The following L3MBTL3 variants were observed in gnomAD, a reference collection of about 807,000 sequenced individuals.
L3MBTL3 encodes lethal(3)malignant brain tumor-like protein 3.
L3MBTL3 carries 27 observed loss-of-function variants against 102.3 expected under a neutral mutation model. The ratio of observed to expected loss-of-function variants is 0.26; its 90% CI spans 0.19 to 0.36. L3MBTL3 has a LOEUF of 0.36. Ranked by LOEUF, L3MBTL3 falls within the 10% of genes least tolerant of loss-of-function variation. The probability of loss-of-function intolerance (pLI) is 1.00; values close to 1 mark genes in which losing one functional copy is unlikely to be tolerated. For missense variants in L3MBTL3, 798 were observed against 955.3 expected, an observed-to-expected ratio of 0.84 and a Z score of 2.17; for synonymous variants, 340 against 320.9, an observed-to-expected ratio of 1.06 and a Z score of -0.64.
At chr6:130,058,149 CAAA>C (rs61250078) in intron 9 of L3MBTL3, among the ~76,000 whole-genome samples, 1 of 89,152 alleles carries the variant, frequency 1.1e-5, no homozygotes, top group Non-Finnish European at 2.1e-5. Context: ...GACTCCGTCT[CAAA>C]AAAAAAAAAA....
intron 15 of L3MBTL3, 109 bp downstream of exon 15, chr6:130,083,814 T>G (rs1036098410): frequency 1.8e-4 from 87 of 496,260 alleles, no homozygotes; most frequent in Middle Eastern, 4.1e-4. Flanking sequence ...GAGAAAAAAA[T>G]AGAGCACCAA....
chr6:130,068,323 A>T lies in L3MBTL3; in HGVS notation c.1001-7A>T, dbSNP rs377187818. 4.7e-6 allele frequency: 7 copies of T among 1,498,376 alleles called. No homozygotes were observed. Among genetic ancestry groups the T allele is most frequent in the South Asian group, 1.1e-5 (1 of 88,576 alleles). 92.8% of individuals were successfully genotyped at this position (1,498,376 alleles called of 1,614,324 possible). On this transcript the variant is annotated splice_region_variant and splice_polypyrimidine_tract_variant and intron_variant, in intron 11 of 22. Coordinates refer to ENST00000361794, the MANE Select transcript of L3MBTL3 (RefSeq NM_032438.4). ...TGAATCAATCTGTTCATATGTGCTT[A>T]CTCTAGGGTATAAAGAAGAAGAATT...
chr6:130,038,385 A>C (rs539742445), intron 2 of L3MBTL3, among the ~76,000 whole-genome samples: 18 of 152,026 alleles, frequency 1.2e-4, no homozygotes, highest in African/African-American at 4.3e-4. Context: ...TATTCCCACC[A>C]AGAAGATACA....
chr6:130,128,204 G>A (rs560244205), intron 20 of L3MBTL3, among the ~76,000 whole-genome samples: 222 of 151,468 alleles, frequency 1.5e-3, no homozygotes, highest in African/African-American at 4.5e-3. Flanking sequence ...TTAGGGGGGT[G>A]TGTGTGTGTG....
At chr6:130,102,011 A>T (rs1216371543) in intron 18 of L3MBTL3, among the ~76,000 whole-genome samples, 1 of 152,102 alleles carries the variant, frequency 6.6e-6, no homozygotes, top group Non-Finnish European at 1.5e-5. Flanking sequence ...TGGGCAAGTA[A>T]CATCTCTGCT....
At position 130,052,878 on chromosome 6, in the gene L3MBTL3, G is replaced by A. The variant is rs981278625; in HGVS notation, c.469G>A (p.Asp157Asn). The A allele has an allele frequency of 6.2e-7, 1 of 1,613,690 alleles. No individual in the cohort carries two copies. ...CAACAGAGATCAGAAGGAAGAAAGGGACGTAGAAGAAGACAATGAGGAAGA... is the reference window on the plus strand; with the variant it reads ...CAACAGAGATCAGAAGGAAGAAAGGAACGTAGAAGAAGACAATGAGGAAGA... ...IKDKDQKEER[D>N]VEEDNEEEDP... The change falls in exon 7 of 23, where the codon GAC (aspartate) becomes AAC (asparagine). Residue 157 changes from aspartate (D) to asparagine (N), a missense_variant. Transcript: ENST00000361794.
chr6:130,141,011 G>A lies in L3MBTL3; in HGVS notation c.*1258G>A, dbSNP rs1462556838. On this transcript the variant is annotated 3_prime_UTR_variant, in exon 23 of 23. Transcript: ENST00000361794. ...ACCCTTGATTATAAATTGATAGCTG[G>A]TAGTGTTTCTTTTGCAAGAATGCAT... 6.6e-6 allele frequency: 1 copy of A among 152,634 alleles called. No homozygotes were observed. Among genetic ancestry groups the A allele is most frequent in the African/African-American group, 2.4e-5 (1 of 41,452 alleles). The allele number at this position is 152,634 out of a possible 1,614,324, so 9.5% of individuals were successfully genotyped here.
intron 2 of L3MBTL3, among the ~76,000 whole-genome samples, chr6:130,042,350 A>C (rs1780474488): frequency 6.6e-6 from 1 of 152,206 alleles, no homozygotes; most frequent in African/African-American, 2.4e-5. Flanking sequence ...AACTACTTAC[A>C]GGCAAGGAAT....
intron 16 of L3MBTL3, among the ~76,000 whole-genome samples, chr6:130,088,118 A>G (rs531165334): frequency 6.6e-6 from 1 of 152,292 alleles, no homozygotes; most frequent in South Asian, 2.1e-4. Context: ...TCTTACTTCT[A>G]GCTGGATTCT....
At chr6:130,138,915 A>G (rs1382220231) in intron 22 of L3MBTL3, among the ~76,000 whole-genome samples, 1 of 152,192 alleles carries the variant, frequency 6.6e-6, no homozygotes, top group African/African-American at 2.4e-5. Context: ...AGAGAATAGT[A>G]GCCTATTTTT....
chr6:130,029,149 G>A (rs6926186), intron 2 of L3MBTL3, among the ~76,000 whole-genome samples: 111,211 of 152,148 alleles, frequency 0.73, 40,881 homozygotes, highest in East Asian at 0.93. Context: ...TCAAGATACA[G>A]TGTCATAAGC....
chr6:130,023,617 A>G lies in L3MBTL3; in HGVS notation c.-16+1312A>G, dbSNP rs777949134. Reference sequence around the variant, plus strand: ...TACCTCCTTCAGCCTCCATTTCCTCATCTACAGAGCGGGAACAGCAATACT... The same window carrying G: ...TACCTCCTTCAGCCTCCATTTCCTCGTCTACAGAGCGGGAACAGCAATACT... On this transcript the variant is annotated intron_variant, in intron 2 of 22. Transcript: ENST00000361794. Among the ~76,000 whole-genome samples the G allele has an allele frequency of 4.6e-5, 7 of 152,318 alleles. 1 individual carries two copies. The highest frequency in any genetic ancestry group is 6.8e-3 in the Middle Eastern group (2 of 294).
At chr6:130,020,368 G>A (rs1182721794) in intron 1 of L3MBTL3, 9 of 152,026 alleles carry the variant, frequency 5.9e-5, no homozygotes, top group Non-Finnish European at 1.0e-4. Flanking sequence ...GCCCTGGAAG[G>A]GGAGGAGGGC....
chr6:130,116,166 C>T (rs1428357138), intron 19 of L3MBTL3, among the ~76,000 whole-genome samples: 1 of 152,110 alleles, frequency 6.6e-6, no homozygotes, highest in African/African-American at 2.4e-5. Context: ...TAATTTTATC[C>T]TACAATATAA....
At chr6:130,029,370 G>A (rs1584276388) in intron 2 of L3MBTL3, among the ~76,000 whole-genome samples, 1 of 152,280 alleles carries the variant, frequency 6.6e-6, no homozygotes, top group East Asian at 1.9e-4. Flanking sequence ...CTGTGTACCA[G>A]CTCTCTTGAA....
At position 130,068,807 on chromosome 6, in the gene L3MBTL3, T is replaced by C. The variant is rs543065333; in HGVS notation, c.1092+386T>C. On this transcript the variant is annotated intron_variant, in intron 12 of 22. Transcript: ENST00000361794. ...TTTCAGTTTACATGTAGGAGGTCACTGGAGACTGTGACATATCTTCACTCT... is the reference window on the plus strand; with the variant it reads ...TTTCAGTTTACATGTAGGAGGTCACCGGAGACTGTGACATATCTTCACTCT... Among the ~76,000 whole-genome samples the C allele has an allele frequency of 2.3e-4, 35 of 152,312 alleles. No homozygotes were observed. In the South Asian group the frequency reaches 7.3e-3, roughly 32 times the overall value.
chr6:130,073,820 CG>C (rs1782781956), intron 13 of L3MBTL3, among the ~76,000 whole-genome samples: 1 of 152,070 alleles, frequency 6.6e-6, no homozygotes, highest in Non-Finnish European at 1.5e-5. Flanking sequence ...TCTTTTAACT[CG>C]AGTTTTGTGC....
chr6:130,022,823 G>A (rs889544810), intron 2 of L3MBTL3, among the ~76,000 whole-genome samples: 9 of 152,204 alleles, frequency 5.9e-5, no homozygotes, highest in African/African-American at 2.2e-4. Context: ...GCAGGGTTAT[G>A]AGTGAGTTTC....
At chr6:130,031,816 G>A (rs1779740564) in intron 2 of L3MBTL3, among the ~76,000 whole-genome samples, 1 of 151,174 alleles carries the variant, frequency 6.6e-6, no homozygotes, top group Non-Finnish European at 1.5e-5. Flanking sequence ...GTAAATATGA[G>A]GAATTATTAC....
Sources: allele counts gnomAD v4.1 joint callset (sites outside exome capture counted in the v4.1 genomes callset), GRCh38; gene constraint gnomAD v4.1.1; transcripts MANE v1.5; gene names NCBI Gene and HGNC (gene_info 2026-07-23, HGNC 2026-07-21).